Variants in DYNC1I1 observed in about 807,000 individuals in gnomAD.
The protein encoded by DYNC1I1 is dynein cytoplasmic 1 intermediate chain 1.
A neutral mutation model predicts 86.6 loss-of-function variants in DYNC1I1; 43 were observed. The observed-to-expected ratio is 0.50, with a 90% CI of 0.39 to 0.64. The LOEUF is 0.64. Ranked by LOEUF, DYNC1I1 falls within the 30% of genes least tolerant of loss-of-function variation. The pLI is 0.00. For missense variants in DYNC1I1, 604 were observed against 788.8 expected (o/e 0.77, Z 2.81); for synonymous variants, 262 against 283.7 (o/e 0.92, Z 0.77).
intron 5 of DYNC1I1, among the ~76,000 whole-genome samples, chr7:95,850,949 T>TG (rs1353054679): frequency 6.6e-6 from 1 of 151,198 alleles, no homozygotes; most frequent in East Asian, 1.9e-4. Flanking sequence ...TACCACAACT[T>TG]TTTTTTTTCC....
intron 10 of DYNC1I1, among the ~76,000 whole-genome samples, chr7:96,020,203 A>G (rs895857563): frequency 2.6e-5 from 4 of 152,004 alleles, no homozygotes; most frequent in African/African-American, 7.2e-5. Flanking sequence ...GGCTGCTTGC[A>G]TTAGTCTGTT....
intron 5 of DYNC1I1, among the ~76,000 whole-genome samples, chr7:95,843,415 C>G (rs999934964): frequency 7.9e-5 from 12 of 152,166 alleles, no homozygotes; most frequent in Admixed American, 7.9e-4. Context: ...ACACCATGGC[C>G]TGGAAACTCT....
At chr7:96,032,584 T>C (rs1353246295) in intron 11 of DYNC1I1, 83 bp from the exon 12 acceptor site, 2 of 1,066,154 alleles carry the variant, frequency 1.9e-6, no homozygotes, top group African/African-American at 1.6e-5. Context: ...TTAATCCTTG[T>C]TTTAGAGTAA....
At chr7:95,806,546 G>A (rs571320333) in intron 2 of DYNC1I1, among the ~76,000 whole-genome samples, 8 of 152,294 alleles carry the variant, frequency 5.3e-5, no homozygotes, top group African/African-American at 1.9e-4. Context: ...TTGTTGCCTT[G>A]TTCTGGAATT....
intron 1 of DYNC1I1, among the ~76,000 whole-genome samples, 174 bp from the exon 2 acceptor site, chr7:95,804,547 A>T (rs533594563): frequency 6.6e-6 from 1 of 152,338 alleles, no homozygotes; most frequent in East Asian, 1.9e-4. Context: ...TCCTTAGACC[A>T]GATCTAACTT....
intron 10 of DYNC1I1, among the ~76,000 whole-genome samples, chr7:95,998,602 G>A (rs957350289): frequency 5.9e-5 from 9 of 152,304 alleles, no homozygotes; most frequent in Admixed American, 2.6e-4. Context: ...ATGTGCTTCC[G>A]CATTCTCCTG....
At chr7:96,013,563 A>T (rs1402784864) in intron 10 of DYNC1I1, among the ~76,000 whole-genome samples, 7 of 152,060 alleles carry the variant, frequency 4.6e-5, no homozygotes, top group Non-Finnish European at 1.0e-4. Flanking sequence ...GGCTCTAGTG[A>T]TCCTCTTGCC....
chr7:96,032,663 G>T lies in DYNC1I1; in HGVS notation c.1117-4G>T, dbSNP rs769326610. On this transcript the variant is annotated splice_polypyrimidine_tract_variant and splice_region_variant and intron_variant, in intron 11 of 16. Coordinates refer to ENST00000447467, the MANE Select transcript of DYNC1I1 (RefSeq NM_001135556.2). Reference sequence around the variant, plus strand: ...TCTGATCCTCTTTGTTTATGTTTTTGCAGCATCCCGTGTACTGTGTAAATG... The same window carrying T: ...TCTGATCCTCTTTGTTTATGTTTTTTCAGCATCCCGTGTACTGTGTAAATG... 2 of 1,608,168 alleles carry T rather than the reference G, an allele frequency of 1.2e-6. No individual in the cohort carries two copies. The highest frequency in any genetic ancestry group is 8.5e-7 in the Non-Finnish European group (1 of 1,176,248).
At chr7:95,815,662 C>G (rs1175737640) in intron 4 of DYNC1I1, among the ~76,000 whole-genome samples, 1 of 151,982 alleles carries the variant, frequency 6.6e-6, no homozygotes, top group Non-Finnish European at 1.5e-5. Flanking sequence ...TTAACTTTAA[C>G]ACTTCATAAA....
intron 6 of DYNC1I1, among the ~76,000 whole-genome samples, chr7:95,971,361 G>C (rs1793165300): frequency 6.6e-6 from 1 of 152,042 alleles, no homozygotes; most frequent in Non-Finnish European, 1.5e-5. Flanking sequence ...GAACTTGAAG[G>C]GGTTAAGCCT....
At chr7:95,843,267 CT>C (rs1373129529) in intron 5 of DYNC1I1, among the ~76,000 whole-genome samples, 2 of 152,150 alleles carry the variant, frequency 1.3e-5, no homozygotes, top group African/African-American at 4.8e-5. Context: ...CAAAGGCAAA[CT>C]TCTGAGTTTT....
At chr7:95,784,567 G>T (rs547235089) in intron 1 of DYNC1I1, among the ~76,000 whole-genome samples, 2 of 152,324 alleles carry the variant, frequency 1.3e-5, no homozygotes, top group Non-Finnish European at 2.9e-5. Context: ...GCTGTAAACT[G>T]GTGAAGGGGT....
chr7:95,854,349 AC>A lies in DYNC1I1; in HGVS notation c.375-15533del, dbSNP rs1789660194. Among the ~76,000 whole-genome samples, 5 of 152,178 alleles carry A rather than the reference AC, an allele frequency of 3.3e-5. No individual in the cohort carries two copies. In the South Asian group the frequency reaches 1.0e-3, roughly 32 times the overall value. On this transcript the variant is annotated intron_variant, in intron 5 of 16. Coordinates refer to ENST00000447467, the MANE Select transcript of DYNC1I1 (RefSeq NM_001135556.2). ...GTGGTTACCATGAGGCTTACAGCAA[AC>A]ATAGGTATAGATAGTTTATATTATA...
intron 5 of DYNC1I1, among the ~76,000 whole-genome samples, chr7:95,845,057 A>G (rs1789389442): frequency 6.6e-6 from 1 of 152,230 alleles, no homozygotes; most frequent in Non-Finnish European, 1.5e-5. Flanking sequence ...GGTTAAAGGC[A>G]AGATGAGAGT....
At chr7:95,944,924 A>G (rs992242811) in intron 6 of DYNC1I1, among the ~76,000 whole-genome samples, 3 of 151,640 alleles carry the variant, frequency 2.0e-5, no homozygotes, top group Non-Finnish European at 4.4e-5. Context: ...CCTAATGCTA[A>G]ATGACGAGTT....
intron 6 of DYNC1I1, among the ~76,000 whole-genome samples, chr7:95,946,827 G>T (rs1475742965): frequency 6.6e-6 from 1 of 152,116 alleles, no homozygotes; most frequent in African/African-American, 2.4e-5. Flanking sequence ...GCAATAAATT[G>T]AAGACAAGTA....
At chr7:95,867,520 C>A (rs1790045000) in intron 5 of DYNC1I1, among the ~76,000 whole-genome samples, 1 of 152,206 alleles carries the variant, frequency 6.6e-6, no homozygotes, top group African/African-American at 2.4e-5. Flanking sequence ...ATGGTCTCAC[C>A]TGCTGGTTTC....
At chr7:96,093,876 G>A (rs751398233) in intron 16 of DYNC1I1, among the ~76,000 whole-genome samples, 1 of 151,956 alleles carries the variant, frequency 6.6e-6, no homozygotes, top group Non-Finnish European at 1.5e-5. Context: ...ATTATTCTAA[G>A]CTATTATTCT....
At chr7:95,967,275 C>A in intron 6 of DYNC1I1, among the ~76,000 whole-genome samples, 1 of 151,992 alleles carries the variant, frequency 6.6e-6, no homozygotes, top group Non-Finnish European at 1.5e-5. Flanking sequence ...TAGGAAATAC[C>A]CAACTGAAGT....
Sources: gnomAD v4.1 joint callset for allele counts (sites outside exome capture counted in the v4.1 genomes callset) on GRCh38, gnomAD v4.1.1 for gene constraint, MANE v1.5 for transcripts, NCBI Gene and HGNC (gene_info 2026-07-23, HGNC 2026-07-21) for gene names.